The following OLFML2A variants were observed in gnomAD, a reference collection of about 807,000 sequenced individuals.
The protein encoded by OLFML2A is olfactomedin like 2A.
OLFML2A carries 47 observed loss-of-function variants against 60.9 expected under a neutral mutation model. The observed-to-expected ratio is 0.77, with a 90% CI of 0.61 to 0.98. OLFML2A has a LOEUF of 0.98. OLFML2A is among the 50% of genes least tolerant of loss of function. The pLI, the probability that OLFML2A is intolerant of heterozygous loss-of-function variation, is 0.00. For missense variants in OLFML2A, 922 were observed against 879.8 expected (o/e 1.05, Z -0.61); for synonymous variants, 372 against 375.0 (o/e 0.99, Z 0.09).
chr9:124,778,318 G>A (rs2131234049), intron 1 of OLFML2A, among the ~76,000 whole-genome samples: 1 of 150,652 alleles, frequency 6.6e-6, no homozygotes, highest in Admixed American at 6.6e-5. Context: ...CCGAGATCGC[G>A]CCACTGCACT....
intron 2 of OLFML2A, among the ~76,000 whole-genome samples, chr9:124,793,903 A>G (rs1841613779): frequency 6.6e-6 from 1 of 152,072 alleles, no homozygotes; most frequent in African/African-American, 2.4e-5. Context: ...ACTAGGCAGG[A>G]TGGTGCACAC....
intron 3 of OLFML2A, 22 bp downstream of exon 3, chr9:124,795,153 G>C: frequency 7.0e-7 from 1 of 1,426,878 alleles, no homozygotes; most frequent in Non-Finnish European, 9.8e-7. Flanking sequence ...GCTGCCGCCA[G>C]AGGCCAGGCT....
At chr9:124,804,014 G>C in intron 5 of OLFML2A, 80 bp from the exon 6 acceptor site, 1 of 1,496,642 alleles carries the variant, frequency 6.7e-7, no homozygotes, top group Non-Finnish European at 9.1e-7. Flanking sequence ...CCCCTGAGAT[G>C]GGGGCCCAGT....
In OLFML2A at chr9:124,790,604, C is replaced by A. The variant is rs531315290; in HGVS notation, c.354+3366C>A. ...GCCACAGGACTCTGGGTCAGCAGAACTGGCTTAGGATAAAGGGGGATTGAC... is the reference window on the plus strand; with the variant it reads ...GCCACAGGACTCTGGGTCAGCAGAAATGGCTTAGGATAAAGGGGGATTGAC... On this transcript the variant is annotated intron_variant, in intron 2 of 7. Transcript: ENST00000373580. Among the ~76,000 whole-genome samples, 6 of 152,270 alleles carry A rather than the reference C, an allele frequency of 3.9e-5. No homozygotes were observed. In the South Asian group the frequency reaches 1.2e-3, roughly 32 times the overall value.
chr9:124,778,623 TA>T (rs35250314), intron 1 of OLFML2A, among the ~76,000 whole-genome samples: 13,694 of 147,064 alleles, frequency 0.093, 1,656 homozygotes, highest in African/African-American at 0.27. Context: ...CCCGTCTCTA[TA>T]AAAAAAAAAA....
intron 2 of OLFML2A, among the ~76,000 whole-genome samples, chr9:124,794,252 A>C (rs916812896): frequency 4.6e-5 from 7 of 152,240 alleles, no homozygotes; most frequent in African/African-American, 1.7e-4. Context: ...TCACTAGATC[A>C]TTGCCTCAAG....
rs1167763823 is a variant in OLFML2A at position 124,779,272 on chromosome 9, A to T, written c.90+1912A>T. ...TTCTTCATCTAAGAAACATCTCCCC[A>T]ACCTTCCTTCCATATGGGGCCCTCT... On this transcript the variant is annotated intron_variant, in intron 1 of 7. Coordinates refer to ENST00000373580, the MANE Select transcript of OLFML2A (RefSeq NM_182487.4). This position sits in a 1 kb window ranked among gnomAD's most constrained non-coding sequence, Gnocchi z 4.1. 6.6e-6 allele frequency among the ~76,000 whole-genome samples: 1 copy of T among 152,090 alleles called. No individual in the cohort carries two copies. The highest frequency in any genetic ancestry group is 2.4e-5 in the African/African-American group (1 of 41,384).
chr9:124,801,903 C>T (rs748840516), intron 5 of OLFML2A, among the ~76,000 whole-genome samples: 9 of 152,184 alleles, frequency 5.9e-5, no homozygotes, highest in Non-Finnish European at 7.4e-5. Flanking sequence ...GCTGTCTTCA[C>T]CTTCACTGGA....
intron 1 of OLFML2A, among the ~76,000 whole-genome samples, chr9:124,786,531 T>G (rs966968642): frequency 3.3e-5 from 5 of 151,830 alleles, no homozygotes; most frequent in African/African-American, 1.2e-4. Context: ...CCATCCTGGC[T>G]AACACAGTGA....
intron 4 of OLFML2A, among the ~76,000 whole-genome samples, chr9:124,800,498 G>A (rs1185050275): frequency 6.6e-6 from 1 of 152,222 alleles, no homozygotes; most frequent in Admixed American, 6.5e-5. Context: ...GGGACTGGCA[G>A]CCAGGTCTGC....
At chr9:124,795,940 TG>T (rs1564284982) in intron 3 of OLFML2A, among the ~76,000 whole-genome samples, 1 of 152,168 alleles carries the variant, frequency 6.6e-6, no homozygotes, top group Non-Finnish European at 1.5e-5. Flanking sequence ...GGACTGCCCC[TG>T]GGGACAAGGA....
At chr9:124,808,571 A>G (rs935525587) in intron 7 of OLFML2A, among the ~76,000 whole-genome samples, 1 of 152,154 alleles carries the variant, frequency 6.6e-6, no homozygotes, top group Non-Finnish European at 1.5e-5. Flanking sequence ...TCAGTACAGC[A>G]TTAGAGGGAG....
chr9:124,801,316 A>T (rs577201894), intron 4 of OLFML2A, 98 bp from the exon 5 acceptor site: 64 of 1,304,314 alleles, frequency 4.9e-5, no homozygotes, highest in Admixed American at 7.5e-5. Context: ...GGCCTGGGGC[A>T]ACATGGCCAC....
At chr9:124,791,080 C>G (rs958704365) in intron 2 of OLFML2A, among the ~76,000 whole-genome samples, 2 of 152,308 alleles carry the variant, frequency 1.3e-5, no homozygotes, top group South Asian at 4.1e-4. Context: ...CTCGAGGAGT[C>G]CCCAGGCTTG....
Position 124,779,794 on chromosome 9 carries a change from G to A in OLFML2A, c.90+2434G>A, listed in dbSNP as rs1381079153. Among the ~76,000 whole-genome samples, 2 of 152,178 alleles carry A rather than the reference G, an allele frequency of 1.3e-5. 1 individual carries two copies. The highest frequency in any genetic ancestry group is 4.1e-4 in the South Asian group (2 of 4,832). On this transcript the variant is annotated intron_variant, in intron 1 of 7. Transcript: ENST00000373580. This position sits in a 1 kb window ranked among gnomAD's most constrained non-coding sequence, Gnocchi z 4.1. Reference sequence around the variant, plus strand: ...GAGAGAGCTGTTTTCATTATCACTCGCTCCTTCCCCCATCACAACCCCGCC... The same window carrying A: ...GAGAGAGCTGTTTTCATTATCACTCACTCCTTCCCCCATCACAACCCCGCC...
At position 124,807,775 on chromosome 9, in the gene OLFML2A, C is replaced by G. The variant is rs566980256; in HGVS notation, c.1169-6C>G. On this transcript the variant is annotated splice_region_variant and splice_polypyrimidine_tract_variant and intron_variant, in intron 6 of 7. Transcript: ENST00000373580. ...GTACCGATGCTGCCTGCCCTCCTCC[C>G]CACAGGCAGAGAGGCGAGCTGTGAG... 2.3e-4 allele frequency: 375 copies of G among 1,607,284 alleles called. 2 individuals carry two copies. In the South Asian group the frequency reaches 3.6e-3, roughly 16 times the overall value.
In OLFML2A at chr9:124,779,873, G is replaced by A. The variant is rs995422743; in HGVS notation, c.90+2513G>A. Among the ~76,000 whole-genome samples, 6 of 152,186 alleles carry A rather than the reference G, an allele frequency of 3.9e-5. No individual in the cohort carries two copies. Among genetic ancestry groups the A allele is most frequent in the Admixed American group, 2.6e-4 (4 of 15,288 alleles). ...TGGGGTGGAGGATGAGCCCTTCGGAGGGCCAGCCTGGGACTTGAAGTCAAT... is the reference window on the plus strand; with the variant it reads ...TGGGGTGGAGGATGAGCCCTTCGGAAGGCCAGCCTGGGACTTGAAGTCAAT... On this transcript the variant is annotated intron_variant, in intron 1 of 7. Coordinates refer to ENST00000373580, the MANE Select transcript of OLFML2A (RefSeq NM_182487.4). This position sits in a 1 kb window ranked among gnomAD's most constrained non-coding sequence, Gnocchi z 4.1.
At position 124,808,754 on chromosome 9, in the gene OLFML2A, G is replaced by A. The variant is rs376417984; in HGVS notation, c.1354+788G>A. On this transcript the variant is annotated intron_variant, in intron 7 of 7. Coordinates refer to ENST00000373580, the MANE Select transcript of OLFML2A (RefSeq NM_182487.4). ...CAGAGGCCTGGCAATGAGAGGAAAC[G>A]TGATGGCCTGGGGTAGGGGGGATGG... 2.0e-4 allele frequency among the ~76,000 whole-genome samples: 31 copies of A among 152,152 alleles called. No individual in the cohort carries two copies. In the East Asian group the frequency reaches 3.1e-3, roughly 15 times the overall value.
At chr9:124,804,063 A>T in intron 5 of OLFML2A, 31 bp from the exon 6 acceptor site, 1 of 1,608,216 alleles carries the variant, frequency 6.2e-7, no homozygotes, top group Non-Finnish European at 8.5e-7. Flanking sequence ...GGTGGTGCTG[A>T]GATTTGAGCA....
Sources: allele counts gnomAD v4.1 joint callset (sites outside exome capture counted in the v4.1 genomes callset), GRCh38; gene constraint gnomAD v4.1.1; non-coding constraint Gnocchi (gnomAD v3.1); transcripts MANE v1.5; gene names NCBI Gene and HGNC (gene_info 2026-07-23, HGNC 2026-07-21).